The following KCNMB2 variants were observed in gnomAD, a reference collection of about 807,000 sequenced individuals.
KCNMB2 encodes the protein potassium calcium-activated channel subfamily M regulatory beta subunit 2.
A neutral mutation model predicts 24.5 loss-of-function variants in KCNMB2; 9 were observed. That is an observed-to-expected ratio of 0.37 (90% CI 0.22 to 0.64). The LOEUF (loss-of-function observed/expected upper bound fraction) is 0.64. Ranked by LOEUF, KCNMB2 falls within the 30% of genes least tolerant of loss-of-function variation. The pLI is 0.63. For synonymous variants in KCNMB2, 109 were observed against 104.4 expected, an observed-to-expected ratio of 1.04 and a Z score of -0.27; for missense variants, 226 against 284.3, an observed-to-expected ratio of 0.79 and a Z score of 1.47.
intron 1 of KCNMB2, among the ~76,000 whole-genome samples, chr3:178,790,260 G>T (rs963121896): frequency 6.6e-6 from 1 of 152,058 alleles, no homozygotes; most frequent in African/African-American, 2.4e-5. Flanking sequence ...ATCAGTGGTT[G>T]CCAGGCAGTA....
chr3:178,728,586 C>T (rs573773513), intron 1 of KCNMB2, among the ~76,000 whole-genome samples: 4 of 152,212 alleles, frequency 2.6e-5, no homozygotes, highest in African/African-American at 7.2e-5. Context: ...TTCTTGACAA[C>T]TCTTTGCAAG....
intron 4 of KCNMB2, among the ~76,000 whole-genome samples, chr3:178,840,498 G>A (rs1016038595): frequency 1.3e-5 from 2 of 152,222 alleles, no homozygotes. Flanking sequence ...CCCTAGCAGA[G>A]GTTCTCCATG....
At chr3:178,759,366 CAAGAGGATATATATATATATATATCTCT>C (rs1711582173) in intron 1 of KCNMB2, among the ~76,000 whole-genome samples, 1 of 28,856 alleles carries the variant, frequency 3.5e-5, no homozygotes, top group Non-Finnish European at 5.8e-5. Flanking sequence ...TATATATCTC[CAAGAGGATATATATATATATATATCTCT>C]CCAAGAGGAT....
At chr3:178,612,443 A>G (rs1395639971) in intron 1 of KCNMB2, among the ~76,000 whole-genome samples, 1 of 152,180 alleles carries the variant, frequency 6.6e-6, no homozygotes, top group Non-Finnish European at 1.5e-5. Flanking sequence ...ATATATATTA[A>G]AAATTGTTAT....
At chr3:178,597,165 C>G (rs1269000691) in intron 1 of KCNMB2, among the ~76,000 whole-genome samples, 1 of 152,128 alleles carries the variant, frequency 6.6e-6, no homozygotes, top group Non-Finnish European at 1.5e-5. Flanking sequence ...CCCTGACATT[C>G]TTATGCCTCT....
chr3:178,763,791 A>G (rs1239027442), intron 1 of KCNMB2, among the ~76,000 whole-genome samples: 1 of 152,120 alleles, frequency 6.6e-6, no homozygotes, highest in Non-Finnish European at 1.5e-5. Flanking sequence ...GAAGTAGAAA[A>G]CCATAGGTTA....
intron 1 of KCNMB2, among the ~76,000 whole-genome samples, chr3:178,755,804 G>A (rs1724012011): frequency 6.6e-6 from 1 of 152,098 alleles, no homozygotes; most frequent in Admixed American, 6.6e-5. Context: ...CTCAAACACT[G>A]TTCTCAAAAC....
chr3:178,683,085 C>T (rs185444554), intron 1 of KCNMB2, among the ~76,000 whole-genome samples: 1 of 152,220 alleles, frequency 6.6e-6, no homozygotes, highest in East Asian at 1.9e-4. Flanking sequence ...ATGGAATCAA[C>T]CATGGTACCC....
At chr3:178,708,032 C>G (rs1451404550) in intron 1 of KCNMB2, among the ~76,000 whole-genome samples, 1 of 152,160 alleles carries the variant, frequency 6.6e-6, no homozygotes, top group Non-Finnish European at 1.5e-5. Flanking sequence ...TTGGAGCTGA[C>G]TGATTCATGA....
At chr3:178,558,622 A>T (rs1716206264) in intron 1 of KCNMB2, 1 of 152,242 alleles carries the variant, frequency 6.6e-6, no homozygotes, top group African/African-American at 2.4e-5. Context: ...TTAAAATCAT[A>T]AATAAATTTA....
At chr3:178,593,707 G>T (rs1161647233) in intron 1 of KCNMB2, among the ~76,000 whole-genome samples, 1 of 151,070 alleles carries the variant, frequency 6.6e-6, no homozygotes, top group African/African-American at 2.4e-5. Flanking sequence ...CAATTCCCCG[G>T]CCTTAGATTG....
chr3:178,657,574 T>G (rs943718217), intron 1 of KCNMB2, among the ~76,000 whole-genome samples: 4 of 152,262 alleles, frequency 2.6e-5, no homozygotes, highest in Non-Finnish European at 4.4e-5. Flanking sequence ...GCTATCCTCA[T>G]GTCTGTGGTC....
chr3:178,543,326 C>A (rs1715681224), intron 1 of KCNMB2, among the ~76,000 whole-genome samples: 1 of 152,224 alleles, frequency 6.6e-6, no homozygotes, highest in Admixed American at 6.5e-5. Flanking sequence ...ATACCTGGGA[C>A]AGAACTTCAA....
rs116768537 is a variant in KCNMB2, at chr3:178,832,286, G to A, written c.423+3913G>A. ...TTTCCATTGTCTTCTGGTGAGCATT[G>A]TTACTATTCAGAAATCAGCCCTCAG... On this transcript the variant is annotated intron_variant, in intron 4 of 4. Coordinates refer to ENST00000452583, the MANE Select transcript of KCNMB2 (RefSeq NM_181361.3). 9.0e-3 allele frequency among the ~76,000 whole-genome samples: 1,366 copies of A among 152,076 alleles called. 10 individuals are homozygous for A. Among genetic ancestry groups the A allele is most frequent in the Non-Finnish European group, 0.014 (923 of 67,978 alleles).
In KCNMB2 at chr3:178,798,150, C is replaced by T. The variant is rs138256650; in HGVS notation, c.-67-9193C>T. On this transcript the variant is annotated intron_variant, in intron 1 of 4. Transcript: ENST00000452583. ...ATTTCTTTCTCTTGCCTGATTGCCC[C>T]GGCCAGAACTTCCATACTATGTTGA... is the stretch of plus-strand genomic sequence containing the variant. Among the ~76,000 whole-genome samples the T allele has an allele frequency of 8.8e-3, 1,337 of 152,156 alleles. 11 individuals are homozygous for T. Among genetic ancestry groups the T allele is most frequent in the African/African-American group, 0.013 (548 of 41,520 alleles).
At chr3:178,594,910 A>G (rs1391428134) in intron 1 of KCNMB2, among the ~76,000 whole-genome samples, 1 of 152,098 alleles carries the variant, frequency 6.6e-6, no homozygotes, top group Non-Finnish European at 1.5e-5. Context: ...CTCTTATGAA[A>G]AATCTGTTTG....
intron 1 of KCNMB2, among the ~76,000 whole-genome samples, chr3:178,779,733 TG>T (rs934811264): frequency 2.6e-5 from 4 of 152,164 alleles, no homozygotes; most frequent in African/African-American, 9.6e-5. Context: ...TCAGGTTTTT[TG>T]TAAGACTAAA....
chr3:178,691,107 C>CTTTTTTTTTTTTTTTTTTTTTTTT lies in KCNMB2; in HGVS notation c.-67-116216_-67-116215insTTTTTTTTTTTTTTTTTTTTTTTT, dbSNP rs71181241. Among the ~76,000 whole-genome samples, 78 of 79,726 alleles carry CTTTTTTTTTTTTTTTTTTTTTTTT rather than the reference C, an allele frequency of 9.8e-4. 13 individuals carry two copies. Among genetic ancestry groups the CTTTTTTTTTTTTTTTTTTTTTTTT allele is most frequent in the African/African-American group, 2.3e-3 (37 of 16,300 alleles). The allele number at this position is 79,726 out of a possible 152,430, so 52.3% of individuals were successfully genotyped here. ...TGTACAGCATAATTCCCCATTAAGT[C>CTTTTTTTTTTTTTTTTTTTTTTTT]TTTTTTTTTTTTTTTTTTTTGATAG... On this transcript the variant is annotated intron_variant, in intron 1 of 4. Transcript: ENST00000452583.
Position 178,590,146 on chromosome 3 carries a change from C to T in KCNMB2, c.-68+53435C>T, listed in dbSNP as rs193128691. ...GTTTAACCAGAAAAATTGCATCTAA[C>T]CATTTTTATTCATCTTCTTCCTCTT... On this transcript the variant is annotated intron_variant, in intron 1 of 4. Transcript: ENST00000452583. 5.9e-5 allele frequency among the ~76,000 whole-genome samples: 9 copies of T among 152,260 alleles called. No individual in the cohort carries two copies. In the East Asian group the frequency reaches 1.5e-3, roughly 26 times the overall value.
Sources: gnomAD v4.1 joint callset for allele counts (sites outside exome capture counted in the v4.1 genomes callset) on GRCh38, gnomAD v4.1.1 for gene constraint, MANE v1.5 for transcripts, NCBI Gene and HGNC (gene_info 2026-07-23, HGNC 2026-07-21) for gene names.